Variants in RELN observed in about 807,000 individuals in gnomAD.
RELN encodes reelin.
In RELN, 108 loss-of-function variants were observed where a neutral mutation model predicts 427.6. The ratio of observed to expected loss-of-function variants is 0.25; its 90% CI spans 0.22 to 0.30. The LOEUF is 0.30. Among genes scored for constraint, RELN ranks in the 10% least tolerant of loss-of-function variants. The pLI is 1.00. For missense variants in RELN, 3,715 were observed against 4,302.8 expected (o/e 0.86, Z 3.82); for synonymous variants, 1,524 against 1,513.4 (o/e 1.01, Z -0.16).
chr7:103,806,344 A>G, intron 3 of RELN, among the ~76,000 whole-genome samples: 1 of 151,620 alleles, frequency 6.6e-6, no homozygotes. Flanking sequence ...CTTTTTTTTT[A>G]GACAGAGTCT....
chr7:103,852,117 G>A (rs1208169380), intron 2 of RELN, among the ~76,000 whole-genome samples: 2 of 152,144 alleles, frequency 1.3e-5, no homozygotes, highest in Non-Finnish European at 2.9e-5. Context: ...ACTTGTCATA[G>A]TCCATTTACT....
rs182038227 is a variant in RELN, at chr7:103,959,115, G to A, written c.226+30016C>T. 9.2e-3 allele frequency among the ~76,000 whole-genome samples: 1,376 copies of A among 150,254 alleles called. 18 individuals carry two copies. The highest frequency in any genetic ancestry group is 0.031 in the African/African-American group (1,248 of 40,676). On this transcript the variant is annotated intron_variant, in intron 1 of 64. Transcript: ENST00000428762. ...CTGCCATCACACCTGGCTAATTTTC[G>A]TATTTTTAGTAGAGACGGGGCTTTG... is the stretch of plus-strand genomic sequence containing the variant.
chr7:103,496,404 T>A (rs1434748403), intron 56 of RELN, 122 bp downstream of exon 56: 2 of 1,340,370 alleles, frequency 1.5e-6, no homozygotes, highest in Non-Finnish European at 2.1e-6. Flanking sequence ...CAGCTAACAT[T>A]TGTTGAGCAG....
At chr7:103,572,136 T>G (rs1221817263) in intron 31 of RELN, 48 bp downstream of exon 31, 16 of 1,076,168 alleles carry the variant, frequency 1.5e-5, no homozygotes, top group Non-Finnish European at 2.3e-5. Flanking sequence ...GATAAAGGAC[T>G]AATCTGCCAA....
intron 1 of RELN, among the ~76,000 whole-genome samples, chr7:103,942,120 C>T (rs1429052541): frequency 6.6e-6 from 1 of 152,094 alleles, no homozygotes; most frequent in East Asian, 1.9e-4. Context: ...TTAAAATTAA[C>T]ATCAATCACC....
At position 103,718,627 on chromosome 7, in the gene RELN, A is replaced by T. The variant is rs183116468; in HGVS notation, c.805+4513T>A. Among the ~76,000 whole-genome samples, 3 of 152,286 alleles carry T rather than the reference A, an allele frequency of 2.0e-5. No individual in the cohort carries two copies. The East Asian group carries it at 5.8e-4, about 29-fold the overall frequency. On this transcript the variant is annotated intron_variant, in intron 8 of 64. Coordinates refer to ENST00000428762, the MANE Select transcript of RELN (RefSeq NM_005045.4). Reference sequence around the variant, plus strand: ...CCCCCTCTTGCCATGAAATGTCTGCATCACATCAGTTTAACACTTGGTAAC... The same window carrying T: ...CCCCCTCTTGCCATGAAATGTCTGCTTCACATCAGTTTAACACTTGGTAAC...
At chr7:103,885,025 C>G (rs1794692906) in intron 2 of RELN, among the ~76,000 whole-genome samples, 1 of 152,278 alleles carries the variant, frequency 6.6e-6, no homozygotes, top group Admixed American at 6.5e-5. Context: ...AGACTTGGAA[C>G]CAACCCAAAT....
chr7:103,495,132 T>C (rs1380117490), intron 57 of RELN, among the ~76,000 whole-genome samples: 2 of 151,834 alleles, frequency 1.3e-5, no homozygotes, highest in African/African-American at 4.8e-5. Context: ...GTAAAAGTAA[T>C]TGCGGTTTTT....
chr7:103,710,879 A>G (rs1303072772), intron 8 of RELN, among the ~76,000 whole-genome samples: 1 of 152,188 alleles, frequency 6.6e-6, no homozygotes, highest in Non-Finnish European at 1.5e-5. Flanking sequence ...CCCCGTCTCA[A>G]CTAAAAATAA....
At chr7:103,915,010 G>C (rs1795453147) in intron 2 of RELN, among the ~76,000 whole-genome samples, 1 of 151,958 alleles carries the variant, frequency 6.6e-6, no homozygotes, top group Non-Finnish European at 1.5e-5. Context: ...TAGGATAAAG[G>C]CCCCAAACTT....
intron 1 of RELN, among the ~76,000 whole-genome samples, chr7:103,962,935 T>A (rs1369884008): frequency 6.6e-6 from 1 of 152,098 alleles, no homozygotes; most frequent in Admixed American, 6.5e-5. Context: ...TTACACTGTC[T>A]AAGGACATGG....
chr7:103,481,217 C>G (rs1434676296), intron 63 of RELN, among the ~76,000 whole-genome samples: 5 of 152,132 alleles, frequency 3.3e-5, no homozygotes, highest in African/African-American at 1.2e-4. Context: ...GATGATATGT[C>G]TCTGAAATCC....
Position 103,472,525 on chromosome 7 carries a change from C to T in RELN, c.*287G>A. ...TTTTTTGTGCTTAAATTTCATTTTT[C>T]TGTTAAACTGTTTCTTATTGTCAAT... is the stretch of plus-strand genomic sequence containing the variant. On this transcript the variant is annotated 3_prime_UTR_variant, in exon 65 of 65. Coordinates refer to ENST00000428762, the MANE Select transcript of RELN (RefSeq NM_005045.4). 1 of 372,740 alleles carries T rather than the reference C, an allele frequency of 2.7e-6. No individual in the cohort carries two copies. Among genetic ancestry groups the T allele is most frequent in the South Asian group, 2.9e-5 (1 of 34,088 alleles). 23.1% of individuals were successfully genotyped at this position (372,740 alleles called of 1,614,324 possible).
At chr7:103,687,800 A>G (rs1299885142) in intron 10 of RELN, among the ~76,000 whole-genome samples, 1 of 152,130 alleles carries the variant, frequency 6.6e-6, no homozygotes, top group East Asian at 1.9e-4. Flanking sequence ...TTAGGCAGGG[A>G]GCTTCTGCAT....
chr7:103,860,609 T>C (rs1363130882), intron 2 of RELN, among the ~76,000 whole-genome samples: 4 of 152,156 alleles, frequency 2.6e-5, no homozygotes, highest in African/African-American at 9.7e-5. Context: ...ACGTGGCTTA[T>C]ATTGGCTAGA....
chr7:103,620,925 C>T lies in RELN; in HGVS notation c.2702+9015G>A, dbSNP rs1832204108. ...TGGTTGATGTAGTCAGGCCTGACAG[C>T]CCTGGCTGAAAACATTTAGCATGGA... On this transcript the variant is annotated intron_variant, in intron 20 of 64. Transcript: ENST00000428762. The surrounding 1 kb of genome is among the most constrained non-coding windows in gnomAD (Gnocchi z 4.1). Among the ~76,000 whole-genome samples the T allele has an allele frequency of 1.3e-5, 2 of 152,162 alleles. No individual in the cohort carries two copies. Among genetic ancestry groups the T allele is most frequent in the African/African-American group, 2.4e-5 (1 of 41,430 alleles).
At chr7:103,864,471 G>A (rs532124217) in intron 2 of RELN, among the ~76,000 whole-genome samples, 1 of 152,146 alleles carries the variant, frequency 6.6e-6, no homozygotes, top group African/African-American at 2.4e-5. Flanking sequence ...CTGGCACCTG[G>A]CAACCACCAT....
intron 20 of RELN, among the ~76,000 whole-genome samples, chr7:103,625,832 C>A (rs923951928): frequency 6.6e-6 from 1 of 151,804 alleles, no homozygotes; most frequent in Non-Finnish European, 1.5e-5. Context: ...TTTGGTAATT[C>A]GAAAAAGAAA....
At chr7:103,663,056 A>G (rs576592548) in intron 11 of RELN, among the ~76,000 whole-genome samples, 1 of 152,204 alleles carries the variant, frequency 6.6e-6, no homozygotes, top group South Asian at 2.1e-4. Context: ...CTGAATCTTA[A>G]CTTTTTGTCT....
Sources: gnomAD v4.1 joint callset for allele counts (sites outside exome capture counted in the v4.1 genomes callset) on GRCh38, gnomAD v4.1.1 for gene constraint, Gnocchi (gnomAD v3.1) non-coding constraint, MANE v1.5 for transcripts, NCBI Gene and HGNC (gene_info 2026-07-23, HGNC 2026-07-21) for gene names.